Variants in PALM2AKAP2 observed in about 807,000 individuals in gnomAD.
The protein encoded by PALM2AKAP2 is PALM2 and AKAP2 fusion.
Under a neutral mutation model 71.5 loss-of-function variants are expected in PALM2AKAP2, and 37 were observed. The ratio of observed to expected loss-of-function variants is 0.52; its 90% CI spans 0.40 to 0.68. PALM2AKAP2 has a LOEUF of 0.68. Among genes scored for constraint, PALM2AKAP2 ranks in the 30% least tolerant of loss-of-function variants. PALM2AKAP2 has a pLI of 0.00. For missense variants in PALM2AKAP2, 1,224 were observed against 1,191.8 expected, an observed-to-expected ratio of 1.03 and a Z score of -0.40; for synonymous variants, 468 against 478.8, an observed-to-expected ratio of 0.98 and a Z score of 0.29.
intron 1 of PALM2AKAP2, among the ~76,000 whole-genome samples, chr9:109,675,011 G>A (rs1014962259): frequency 6.6e-6 from 1 of 151,914 alleles, no homozygotes; most frequent in Non-Finnish European, 1.5e-5. Flanking sequence ...TCAACATTTT[G>A]TTATAAAATA....
chr9:109,674,714 C>T (rs1378557021), intron 1 of PALM2AKAP2, among the ~76,000 whole-genome samples: 1 of 152,158 alleles, frequency 6.6e-6, no homozygotes. Flanking sequence ...ACTTTCTATT[C>T]CATTTAGGCC....
At chr9:110,043,825 A>G (rs1213442147), upstream of PALM2AKAP2, among the ~76,000 whole-genome samples, 4 of 148,468 alleles carry the variant, frequency 2.7e-5, no homozygotes, top group East Asian at 8.0e-4. Context: ...GGTCCAAGCA[A>G]TCCTCCCATC....
At chr9:109,887,235 G>A (rs1168851763) in intron 3 of PALM2AKAP2, among the ~76,000 whole-genome samples, 1 of 152,218 alleles carries the variant, frequency 6.6e-6, no homozygotes, top group Non-Finnish European at 1.5e-5. Context: ...TCTAGAAAAG[G>A]CAACCACTGA....
rs183232668 is a variant in PALM2AKAP2, at chr9:110,124,649, C to G, written c.157-11478C>G. On this transcript the variant is annotated intron_variant, in intron 1 of 3. Coordinates refer to ENST00000374525, the Ensembl canonical transcript of PALM2AKAP2. ...CTGGGGGCCCTATTCTGAGGTGACA[C>G]TGATGTCTCTACTCAAGGCAAATGC... Among the ~76,000 whole-genome samples the G allele has an allele frequency of 1.8e-4, 27 of 152,262 alleles. No individual in the cohort carries two copies. The East Asian group carries it at 5.2e-3, about 29-fold the overall frequency.
At chr9:110,047,758 T>C (rs1214625524), upstream of PALM2AKAP2, among the ~76,000 whole-genome samples, 1 of 152,216 alleles carries the variant, frequency 6.6e-6, no homozygotes, top group Non-Finnish European at 1.5e-5. Flanking sequence ...CTTTTGAAAG[T>C]GTTGCTCTCT....
At chr9:109,761,391 A>G (rs1465487233) in intron 1 of PALM2AKAP2, among the ~76,000 whole-genome samples, 1 of 152,138 alleles carries the variant, frequency 6.6e-6, no homozygotes, top group Non-Finnish European at 1.5e-5. Context: ...AAGTTTCGGG[A>G]TACATGTGCA....
intron 2 of PALM2AKAP2, among the ~76,000 whole-genome samples, chr9:110,150,054 A>T (rs1286547603): frequency 6.6e-6 from 1 of 152,110 alleles, no homozygotes; most frequent in East Asian, 1.9e-4. Flanking sequence ...TTTGGGATAT[A>T]ATTAGGTTTA....
At chr9:110,035,290 A>AT (rs1164973189) in intron 7 of PALM2AKAP2, among the ~76,000 whole-genome samples, 3 of 70,812 alleles carry the variant, frequency 4.2e-5, no homozygotes, top group African/African-American at 1.1e-4. Flanking sequence ...TACATATTGT[A>AT]CATATGTATA....
At chr9:110,164,722 G>A (rs1361490089) in intron 3 of PALM2AKAP2, among the ~76,000 whole-genome samples, 1 of 151,868 alleles carries the variant, frequency 6.6e-6, no homozygotes, top group African/African-American at 2.4e-5. Flanking sequence ...GTAGAGACAG[G>A]TTTTCACTAT....
rs147991537 is a variant in PALM2AKAP2 at position 110,062,453 on chromosome 9, A to G, written c.156+13598A>G. 1.5e-3 allele frequency among the ~76,000 whole-genome samples: 232 copies of G among 152,336 alleles called. 2 individuals carry two copies. Among genetic ancestry groups the G allele is most frequent in the South Asian group, 8.3e-3 (40 of 4,824 alleles). On this transcript the variant is annotated intron_variant, in intron 1 of 3. Transcript: ENST00000374525. ...CCTTTTTATGGCTGCATAGTATTCC[A>G]TGGTGTATATGTACCACATAAAAAA... is the stretch of plus-strand genomic sequence containing the variant.
At chr9:110,171,837 T>C (rs1187855889) in exon 4 of PALM2AKAP2, 1 of 152,660 alleles carries the variant, frequency 6.6e-6, no homozygotes, top group Non-Finnish European at 1.5e-5. Flanking sequence ...TTATAGGTGT[T>C]CACTTTCCTC....
intron 6 of PALM2AKAP2, among the ~76,000 whole-genome samples, chr9:109,991,266 T>TC (rs1423005858): frequency 1.3e-5 from 2 of 151,580 alleles, no homozygotes; most frequent in Admixed American, 6.6e-5. Context: ...AGACAGAGTC[T>TC]CCCTCTGTCA....
At chr9:110,069,770 A>T (rs2118578314) in intron 1 of PALM2AKAP2, among the ~76,000 whole-genome samples, 1 of 152,338 alleles carries the variant, frequency 6.6e-6, no homozygotes, top group East Asian at 1.9e-4. Context: ...AGTGAGCTGG[A>T]GGTGGAGCTG....
chr9:109,662,834 C>T (rs1249718205), intron 1 of PALM2AKAP2, among the ~76,000 whole-genome samples: 1 of 152,116 alleles, frequency 6.6e-6, no homozygotes, highest in African/African-American at 2.4e-5. Context: ...TAATTATTGC[C>T]TCAATTTCAG....
intron 1 of PALM2AKAP2, among the ~76,000 whole-genome samples, chr9:109,676,535 G>T (rs970520870): frequency 6.6e-6 from 1 of 152,162 alleles, no homozygotes; most frequent in African/African-American, 2.4e-5. Flanking sequence ...ATAGAATCAG[G>T]TGAAATTATT....
At chr9:109,828,278 C>CAATT (rs1237974567) in intron 1 of PALM2AKAP2, among the ~76,000 whole-genome samples, 1 of 152,046 alleles carries the variant, frequency 6.6e-6, no homozygotes, top group Non-Finnish European at 1.5e-5. Context: ...GGCTATGTCC[C>CAATT]AATTAATAAG....
chr9:110,099,733 C>T (rs1332030632), intron 1 of PALM2AKAP2, among the ~76,000 whole-genome samples: 1 of 151,952 alleles, frequency 6.6e-6, no homozygotes, highest in East Asian at 1.9e-4. Context: ...TGAAAAGTGG[C>T]CACATAGCTT....
chr9:110,044,183 A>G (rs1042414701), upstream of PALM2AKAP2, among the ~76,000 whole-genome samples: 1 of 152,022 alleles, frequency 6.6e-6, no homozygotes, highest in African/African-American at 2.4e-5. Flanking sequence ...ATCTGATCCC[A>G]TGAGGATCCC....
intron 1 of PALM2AKAP2, among the ~76,000 whole-genome samples, chr9:109,837,831 A>G (rs1311793843): frequency 1.3e-5 from 2 of 152,238 alleles, no homozygotes; most frequent in Non-Finnish European, 2.9e-5. Context: ...AGAGCTAACT[A>G]TCCTAAATAT....
Sources: gnomAD v4.1 joint callset for allele counts (sites outside exome capture counted in the v4.1 genomes callset) on GRCh38, gnomAD v4.1.1 for gene constraint, MANE v1.5 for transcripts, NCBI Gene and HGNC (gene_info 2026-07-23, HGNC 2026-07-21) for gene names.